The following FAM162A variants were observed in gnomAD, a reference collection of about 807,000 sequenced individuals.
FAM162A encodes the protein protein FAM162A.
A neutral mutation model predicts 21.8 loss-of-function variants in FAM162A; 23 were observed. That is an observed-to-expected ratio of 1.05 (90% CI 0.76 to 1.49). The LOEUF (loss-of-function observed/expected upper bound fraction) is 1.49, where lower values mean the gene tolerates loss of function less well. FAM162A is among the 40% of genes most tolerant of loss of function. The pLI is 0.00. For synonymous variants in FAM162A, 53 were observed against 61.3 expected (o/e 0.86, Z 0.64); for missense variants, 165 against 186.4 (o/e 0.89, Z 0.67).
chr3:122,402,161 T>A (rs1468656563), intron 1 of FAM162A, among the ~76,000 whole-genome samples: 3 of 151,870 alleles, frequency 2.0e-5, no homozygotes, highest in African/African-American at 4.8e-5. Flanking sequence ...AAATGGGTGA[T>A]GAGTATATAG....
At chr3:122,389,048 CAA>C (rs375756653) in intron 1 of FAM162A, among the ~76,000 whole-genome samples, 3 of 126,076 alleles carry the variant, frequency 2.4e-5, no homozygotes, top group African/African-American at 8.7e-5. Flanking sequence ...GACTCCGTCT[CAA>C]AAAAAAAAAA....
Position 122,410,079 on chromosome 3 carries a change from C to A in FAM162A, c.*248C>A, listed in dbSNP as rs2107702588. The A allele has an allele frequency of 2.1e-6, 1 of 471,282 alleles. No individual in the cohort carries two copies. Among genetic ancestry groups the A allele is most frequent in the South Asian group, 2.1e-5 (1 of 48,658 alleles). The allele number at this position is 471,282 out of a possible 1,614,324, so 29.2% of individuals were successfully genotyped here. On this transcript the variant is annotated 3_prime_UTR_variant, in exon 5 of 5. Transcript: ENST00000477892. ...AGAAAAATGAAACAATTTATTTCAA[C>A]TTGAATACCAACTCTTCAGAGAAGC...
At chr3:122,385,776 A>T (rs1467101729) in intron 1 of FAM162A, among the ~76,000 whole-genome samples, 1 of 152,236 alleles carries the variant, frequency 6.6e-6, no homozygotes. Flanking sequence ...AGGATGTTAT[A>T]TGAGCAGCTC....
intron 1 of FAM162A, among the ~76,000 whole-genome samples, chr3:122,385,849 C>A (rs1182005088): frequency 2.0e-5 from 3 of 152,226 alleles, no homozygotes; most frequent in Non-Finnish European, 4.4e-5. Context: ...AACCTACTAC[C>A]TTTCACCCAC....
At chr3:122,393,759 A>T (rs1311921736) in intron 1 of FAM162A, among the ~76,000 whole-genome samples, 5 of 152,198 alleles carry the variant, frequency 3.3e-5, no homozygotes, top group African/African-American at 9.7e-5. Context: ...TGAGATGTCC[A>T]TCCTGACATC....
At chr3:122,388,657 G>C (rs1413873379) in intron 1 of FAM162A, among the ~76,000 whole-genome samples, 1 of 152,120 alleles carries the variant, frequency 6.6e-6, no homozygotes, top group Non-Finnish European at 1.5e-5. Flanking sequence ...ACAATGTAAG[G>C]AGGCATTGAA....
At chr3:122,396,549 G>C (rs546786612) in intron 1 of FAM162A, among the ~76,000 whole-genome samples, 8 of 152,174 alleles carry the variant, frequency 5.3e-5, no homozygotes, top group Non-Finnish European at 1.2e-4. Flanking sequence ...AATGTGAAAT[G>C]TTACAGCCAC....
chr3:122,398,328 T>A (rs552883620), intron 1 of FAM162A, among the ~76,000 whole-genome samples: 9 of 151,620 alleles, frequency 5.9e-5, no homozygotes, highest in South Asian at 4.1e-4. Flanking sequence ...GAAAGGTTGA[T>A]GGGGAACTTT....
At chr3:122,402,663 T>C in intron 1 of FAM162A, 97 bp from the exon 2 acceptor site, 1 of 1,181,980 alleles carries the variant, frequency 8.5e-7, no homozygotes, top group Non-Finnish European at 1.1e-6. Context: ...TGAACTACCT[T>C]TTATAAATGA....
chr3:122,384,270 G>T lies in FAM162A; in HGVS notation c.5G>T (p.Gly2Val). ...TCGGCGGAGTAGCAAGTGGCCATGG[G>T]GAGCCTCAGCGGTCTGCGCCTGGCA... M[G>V]SLSGLRLAAG... Residue 2 changes from glycine (G) to valine (V), a missense_variant, in exon 1 of 5, where the codon GGG becomes GTG. Gly to Val is a moderately radical substitution (Grantham distance 109, BLOSUM62 -3). Transcript: ENST00000477892. 1 of 1,577,304 alleles carries T rather than the reference G, an allele frequency of 6.3e-7. No individual in the cohort carries two copies. The highest frequency in any genetic ancestry group is 1.2e-5 in the South Asian group (1 of 85,876).
chr3:122,389,381 GGATAGATAGATAGATAGATAGATA>G (rs61431402), intron 1 of FAM162A, among the ~76,000 whole-genome samples: 31 of 145,232 alleles, frequency 2.1e-4, no homozygotes, highest in East Asian at 4.1e-4. Flanking sequence ...TAGTATAGAT[GGATAGATAGATAGATAGATAGATA>G]GATAGATAGA....
intron 3 of FAM162A, 67 bp downstream of exon 3, chr3:122,404,430 T>A: frequency 1.3e-6 from 1 of 784,452 alleles, no homozygotes; most frequent in Non-Finnish European, 2.1e-6. Context: ...AAGCAATGCC[T>A]CTGAGTTCCA....
intron 2 of FAM162A, 97 bp downstream of exon 2, chr3:122,402,979 C>A: frequency 1.5e-6 from 2 of 1,300,410 alleles, no homozygotes; most frequent in Non-Finnish European, 1.0e-6. Flanking sequence ...GTTCCTATAT[C>A]ATACCCTCCC....
intron 1 of FAM162A, among the ~76,000 whole-genome samples, chr3:122,387,154 G>T (rs2075578248): frequency 6.6e-6 from 1 of 152,196 alleles, no homozygotes; most frequent in Non-Finnish European, 1.5e-5. Context: ...CAAATGTAAG[G>T]TGAGTTTTCA....
chr3:122,397,545 T>G (rs2075634353), intron 1 of FAM162A, among the ~76,000 whole-genome samples: 1 of 152,208 alleles, frequency 6.6e-6, no homozygotes, highest in Non-Finnish European at 1.5e-5. Flanking sequence ...CTTTCATTTC[T>G]GTTCCACTGC....
intron 1 of FAM162A, among the ~76,000 whole-genome samples, chr3:122,393,683 A>T (rs752384598): frequency 3.3e-5 from 5 of 152,204 alleles, no homozygotes; most frequent in African/African-American, 4.8e-5. Context: ...GTTGAAAATA[A>T]TCAGCAGCAC....
intron 1 of FAM162A, among the ~76,000 whole-genome samples, chr3:122,386,403 A>G (rs1469644709): frequency 1.3e-5 from 2 of 152,056 alleles, no homozygotes; most frequent in African/African-American, 2.4e-5. Context: ...ACTTTTAAAA[A>G]TTAGCTGGGC....
chr3:122,384,715 T>C (rs1427705055), intron 1 of FAM162A, among the ~76,000 whole-genome samples: 2 of 152,156 alleles, frequency 1.3e-5, no homozygotes, highest in African/African-American at 4.8e-5. Flanking sequence ...CTCCTTCCTC[T>C]CTGGAGTTTA....
chr3:122,404,426 T>C (rs1255086832), intron 3 of FAM162A, 63 bp downstream of exon 3: 2 of 814,338 alleles, frequency 2.5e-6, no homozygotes, highest in African/African-American at 3.6e-5. Context: ...GGAAAAGCAA[T>C]GCCTCTGAGT....
Sources: allele counts gnomAD v4.1 joint callset (sites outside exome capture counted in the v4.1 genomes callset), GRCh38; gene constraint gnomAD v4.1.1; transcripts MANE v1.5; gene names NCBI Gene and HGNC (gene_info 2026-07-23, HGNC 2026-07-21).